FGF14: variants seen among roughly 807,000 people sequenced by gnomAD.
FGF14 encodes the protein fibroblast growth factor 14.
FGF14 carries 5 observed loss-of-function variants against 25.5 expected under a neutral mutation model. The observed-to-expected ratio is 0.20, with a 90% CI of 0.10 to 0.41. FGF14 has a LOEUF of 0.41. Among genes scored for constraint, FGF14 ranks in the 10% least tolerant of loss-of-function variants. The pLI, the probability that FGF14 is intolerant of heterozygous loss-of-function variation, is 1.00. For synonymous variants in FGF14, 138 were observed against 118.3 expected (o/e 1.17, Z -1.08); for missense variants, 222 against 320.1 (o/e 0.69, Z 2.34).
intron 1 of FGF14, among the ~76,000 whole-genome samples, chr13:101,935,166 CTCA>C (rs1387841505): frequency 2.0e-5 from 3 of 152,184 alleles, no homozygotes; most frequent in African/African-American, 7.2e-5. Flanking sequence ...TAAAGGAAAT[CTCA>C]TCATTTCCTG....
chr13:102,360,797 C>T (rs1432230174), intron 1 of FGF14, among the ~76,000 whole-genome samples: 2 of 152,064 alleles, frequency 1.3e-5, no homozygotes, highest in Non-Finnish European at 2.9e-5. Flanking sequence ...ATTCTTATGT[C>T]CTCGTGTCTT....
intron 3 of FGF14, among the ~76,000 whole-genome samples, chr13:101,835,036 A>C (rs2042854432): frequency 6.6e-6 from 1 of 152,116 alleles, no homozygotes; most frequent in South Asian, 2.1e-4. Context: ...TAAGAGAAAG[A>C]ATTTGTAAAT....
intron 1 of FGF14, among the ~76,000 whole-genome samples, chr13:102,059,732 C>T (rs1348847915): frequency 6.6e-6 from 1 of 151,850 alleles, no homozygotes; most frequent in Admixed American, 6.6e-5. Context: ...ACGCCTGTAG[C>T]CCCAGCTACT....
rs547429345 is a variant in FGF14 at position 101,716,357 on chromosome 13, T to C, written c.*6474A>G. 2.0e-5 allele frequency: 3 copies of C among 152,212 alleles called. No individual in the cohort carries two copies. In the East Asian group the frequency reaches 5.8e-4, roughly 29 times the overall value. 9.4% of individuals were successfully genotyped at this position (152,212 alleles called of 1,614,324 possible). Reference sequence around the variant, plus strand: ...CACTAAGTTATTTGTCTACTCTCACTTTAAACTCACCAAAGAAGATTCTCT... The same window carrying C: ...CACTAAGTTATTTGTCTACTCTCACCTTAAACTCACCAAAGAAGATTCTCT... On this transcript the variant is annotated 3_prime_UTR_variant, in exon 5 of 5. Coordinates refer to ENST00000376143, the MANE Select transcript of FGF14 (RefSeq NM_004115.4).
At chr13:101,885,476 T>C (rs2045941901) in intron 1 of FGF14, among the ~76,000 whole-genome samples, 1 of 152,174 alleles carries the variant, frequency 6.6e-6, no homozygotes, top group African/African-American at 2.4e-5. Context: ...TTTGTAGCTT[T>C]GGCATCAGAG....
At chr13:101,924,773 G>A (rs1423052273) in intron 1 of FGF14, among the ~76,000 whole-genome samples, 3 of 152,178 alleles carry the variant, frequency 2.0e-5, no homozygotes, top group Non-Finnish European at 4.4e-5. Flanking sequence ...AAGTTACACA[G>A]CTATGAAGTG....
intron 1 of FGF14, among the ~76,000 whole-genome samples, chr13:102,282,941 G>A (rs529079215): frequency 6.6e-6 from 1 of 151,830 alleles, no homozygotes; most frequent in South Asian, 2.1e-4. Flanking sequence ...TCTGAAAAAC[G>A]TTAGGATTCA....
chr13:102,389,884 G>A (rs1045976451), intron 1 of FGF14, among the ~76,000 whole-genome samples: 1 of 152,128 alleles, frequency 6.6e-6, no homozygotes, highest in Non-Finnish European at 1.5e-5. Context: ...TCTGACCCAG[G>A]AGTCCCCTGT....
chr13:102,139,617 G>T (rs2046554728), intron 1 of FGF14, among the ~76,000 whole-genome samples: 1 of 152,106 alleles, frequency 6.6e-6, no homozygotes, highest in African/African-American at 2.4e-5. Flanking sequence ...GCATGGAAGA[G>T]ATAATGCTAG....
At chr13:101,951,103 A>G (rs61965223) in intron 1 of FGF14, among the ~76,000 whole-genome samples, 4,032 of 152,314 alleles carry the variant, frequency 0.026, 92 homozygotes, top group Middle Eastern at 0.048. Flanking sequence ...AATTTATACT[A>G]CAAAAGTAAT....
intron 1 of FGF14, among the ~76,000 whole-genome samples, chr13:102,170,229 C>A (rs772325945): frequency 4.8e-5 from 7 of 146,702 alleles, no homozygotes; most frequent in Non-Finnish European, 8.9e-5. Flanking sequence ...AGATACTAAT[C>A]GTTTTCTGTT....
intron 1 of FGF14, among the ~76,000 whole-genome samples, chr13:102,087,104 A>G (rs909887810): frequency 6.6e-6 from 1 of 152,246 alleles, no homozygotes; most frequent in African/African-American, 2.4e-5. Flanking sequence ...TAATCCTGCC[A>G]TAATGTAGTT....
intron 3 of FGF14, among the ~76,000 whole-genome samples, chr13:101,862,545 C>T (rs1462939697): frequency 6.6e-6 from 1 of 152,112 alleles, no homozygotes; most frequent in Admixed American, 6.6e-5. Context: ...TGATTTATAA[C>T]TAGTTAAATG....
At chr13:101,914,378 T>C (rs2097248254) in intron 1 of FGF14, among the ~76,000 whole-genome samples, 1 of 151,882 alleles carries the variant, frequency 6.6e-6, no homozygotes, top group South Asian at 2.1e-4. Flanking sequence ...TATATATACT[T>C]TTATATAAGA....
intron 1 of FGF14, among the ~76,000 whole-genome samples, chr13:102,010,934 G>T (rs949277097): frequency 6.6e-6 from 1 of 152,140 alleles, no homozygotes; most frequent in African/African-American, 2.4e-5. Flanking sequence ...GTGAGTTTTT[G>T]TTCTCTTAAC....
At chr13:101,923,690 A>G (rs2034166253) in intron 1 of FGF14, among the ~76,000 whole-genome samples, 1 of 152,076 alleles carries the variant, frequency 6.6e-6, no homozygotes, top group African/African-American at 2.4e-5. Context: ...GATTGCATTA[A>G]TGTTATAACA....
At chr13:101,903,830 G>A (rs529082352) in intron 1 of FGF14, among the ~76,000 whole-genome samples, 15 of 152,302 alleles carry the variant, frequency 9.8e-5, no homozygotes, top group South Asian at 6.2e-4. Context: ...GGACAGTCCT[G>A]TTCTCCAGAG....
At chr13:102,362,345 A>G (rs773198229) in intron 1 of FGF14, among the ~76,000 whole-genome samples, 3 of 152,252 alleles carry the variant, frequency 2.0e-5, no homozygotes, top group South Asian at 4.1e-4. Context: ...TATGTCAAGT[A>G]TTATCTCATT....
chr13:102,221,421 A>G (rs2050605198), intron 1 of FGF14, among the ~76,000 whole-genome samples: 1 of 152,226 alleles, frequency 6.6e-6, no homozygotes, highest in Non-Finnish European at 1.5e-5. Context: ...TGATAAATCT[A>G]AACCCATTTT....
Sources: gnomAD v4.1 joint callset for allele counts (sites outside exome capture counted in the v4.1 genomes callset) on GRCh38, gnomAD v4.1.1 for gene constraint, MANE v1.5 for transcripts, NCBI Gene and HGNC (gene_info 2026-07-23, HGNC 2026-07-21) for gene names.